The following CNOT1 variants were observed in gnomAD, a reference collection of about 807,000 sequenced individuals.
CNOT1 encodes the protein CCR4-NOT transcription complex subunit 1, also known as CCR4-associated factor 1.
A neutral mutation model predicts 273.8 loss-of-function variants in CNOT1; 15 were observed. That is an observed-to-expected ratio of 0.05 (90% CI 0.04 to 0.08). CNOT1 has a LOEUF of 0.08. CNOT1 is among the 10% of genes least tolerant of loss of function. The probability of loss-of-function intolerance (pLI) is 1.00; values close to 1 mark genes in which losing one functional copy is unlikely to be tolerated. For synonymous variants in CNOT1, 1,022 were observed against 1,005.5 expected (o/e 1.02, Z -0.31); for missense variants, 1,644 against 2,912.2 (o/e 0.56, Z 10.02).
At chr16:58,568,317 G>A (rs1160475302) in intron 16 of CNOT1, among the ~76,000 whole-genome samples, 1 of 151,360 alleles carries the variant, frequency 6.6e-6, no homozygotes, top group East Asian at 1.9e-4. Context: ...GCAGTGAGCC[G>A]AGATTGTGCC....
chr16:58,587,298 G>A (rs759611690), intron 5 of CNOT1, 43 bp from the exon 6 acceptor site: 5 of 1,613,440 alleles, frequency 3.1e-6, no homozygotes, highest in Non-Finnish European at 3.4e-6. Context: ...TCAAATGGCT[G>A]TTTTTAATTC....
intron 1 of CNOT1, among the ~76,000 whole-genome samples, chr16:58,625,810 A>T (rs1009156894): frequency 5.6e-5 from 8 of 142,170 alleles, no homozygotes; most frequent in African/African-American, 7.9e-5. Flanking sequence ...GTGAGCAGGG[A>T]TTGTGCCGCT....
chr16:58,581,754 T>A (rs1305682512), intron 10 of CNOT1, among the ~76,000 whole-genome samples: 2 of 152,086 alleles, frequency 1.3e-5, no homozygotes, highest in Non-Finnish European at 2.9e-5. Flanking sequence ...CTCTGCCTCT[T>A]TGGTTCAAGA....
At chr16:58,523,240 G>T in intron 47 of CNOT1, 130 bp downstream of exon 47, 1 of 958,198 alleles carries the variant, frequency 1.0e-6, no homozygotes, top group Non-Finnish European at 1.5e-6. Context: ...GCAACACTCC[G>T]TCTCAAAAAA....
intron 1 of CNOT1, among the ~76,000 whole-genome samples, chr16:58,613,892 T>A (rs1280571344): frequency 8.4e-6 from 1 of 119,310 alleles, no homozygotes; most frequent in African/African-American, 2.8e-5. Context: ...ATAGGGACCA[T>A]CCTGGCTAAC....
At chr16:58,583,252 A>C (rs2041713554) in intron 8 of CNOT1, 70 bp from the exon 9 acceptor site, 5 of 1,585,164 alleles carry the variant, frequency 3.2e-6, no homozygotes, top group Non-Finnish European at 4.3e-6. Flanking sequence ...TTCTGGCATT[A>C]AATGAACCTT....
intron 7 of CNOT1, 75 bp downstream of exon 7, chr16:58,586,469 AG>A: frequency 1.2e-6 from 1 of 848,536 alleles, no homozygotes; most frequent in Non-Finnish European, 1.7e-6. Flanking sequence ...AGGGGAGGGG[AG>A]GGGGGAATGC....
At chr16:58,521,828 C>T (rs2039387130) in intron 47 of CNOT1, among the ~76,000 whole-genome samples, 1 of 151,982 alleles carries the variant, frequency 6.6e-6, no homozygotes, top group Non-Finnish European at 1.5e-5. Context: ...GGCCACATGC[C>T]TGTAATCCCA....
intron 17 of CNOT1, among the ~76,000 whole-genome samples, chr16:58,559,076 G>A (rs933578599): frequency 2.0e-5 from 3 of 152,144 alleles, no homozygotes. Flanking sequence ...TAACCAGAAT[G>A]TAATTTTATA....
Position 58,537,024 on chromosome 16 carries a change from C to T in CNOT1, c.5611G>A (p.Asp1871Asn). 1 of 1,614,196 alleles carries T rather than the reference C, an allele frequency of 6.2e-7. No homozygotes were observed. The highest frequency in any genetic ancestry group is 8.5e-7 in the Non-Finnish European group (1 of 1,180,036). The change falls in exon 39 of 49, where the codon GAC becomes AAC. Residue 1871 changes from aspartate to asparagine, a missense_variant. Asp to Asn is a conservative substitution (Grantham distance 23). Coordinates refer to ENST00000317147, the MANE Select transcript of CNOT1 (RefSeq NM_016284.5). ...NLYHSAAAGR[D>N]STKAFSAFVG... ...AATGCAGAGAAAGCTTTGGTACTGT[C>T]GCGGCCAGCTGCTGCTGAATGGTAG...
chr16:58,557,123 T>TTA, intron 18 of CNOT1, 130 bp from the exon 19 acceptor site: 3 of 1,246,688 alleles, frequency 2.4e-6, no homozygotes, highest in Non-Finnish European at 3.2e-6. Flanking sequence ...AAAGTCAGAG[T>TTA]CTTTGTTAAT....
intron 1 of CNOT1, among the ~76,000 whole-genome samples, chr16:58,600,116 G>C (rs2042408489): frequency 6.6e-6 from 1 of 152,008 alleles, no homozygotes; most frequent in African/African-American, 2.4e-5. Flanking sequence ...GCCAAGGCGG[G>C]TGTGGATTGT....
chr16:58,577,135 C>T (rs539470059), intron 13 of CNOT1, among the ~76,000 whole-genome samples: 3 of 151,184 alleles, frequency 2.0e-5, no homozygotes, highest in Non-Finnish European at 2.9e-5. Flanking sequence ...TCAGAAACAA[C>T]GATGAATGAT....
rs909848778 is a variant in CNOT1, at chr16:58,520,829, T to G, written c.*129A>C. 1.1e-6 allele frequency: 1 copy of G among 919,884 alleles called. No individual in the cohort carries two copies. The highest frequency in any genetic ancestry group is 1.6e-5 in the African/African-American group (1 of 61,516). 57.0% of individuals were successfully genotyped at this position (919,884 alleles called of 1,614,324 possible). A position where few individuals can be genotyped will look rare whatever the true frequency, so the allele number is the denominator to read the frequency against. ...GACAGGAGGCTGATCCCAACAGTAG[T>G]TGGGGCAGATACCCACAAACCAAAG... On this transcript the variant is annotated 3_prime_UTR_variant, in exon 49 of 49. Transcript: ENST00000317147.
At chr16:58,554,033 G>A (rs1001467526) in intron 21 of CNOT1, among the ~76,000 whole-genome samples, 173 bp from the exon 22 acceptor site, 2 of 152,052 alleles carry the variant, frequency 1.3e-5, no homozygotes, top group Non-Finnish European at 2.9e-5. Context: ...AAATACTTAT[G>A]ATTTTCACAG....
At chr16:58,626,829 ATT>A (rs1332257536) in intron 1 of CNOT1, among the ~76,000 whole-genome samples, 3 of 151,536 alleles carry the variant, frequency 2.0e-5, no homozygotes, top group Non-Finnish European at 4.4e-5. Flanking sequence ...ATTTTGCAAA[ATT>A]TTTTTTTAAT....
chr16:58,602,553 CAAA>C (rs60230860), intron 1 of CNOT1, among the ~76,000 whole-genome samples: 3 of 57,972 alleles, frequency 5.2e-5, no homozygotes, highest in Admixed American at 2.0e-4. Flanking sequence ...ACTCTGTCTC[CAAA>C]AAAAAAAAAA....
chr16:58,566,101 G>T (rs1157091352), intron 16 of CNOT1, among the ~76,000 whole-genome samples: 3 of 152,186 alleles, frequency 2.0e-5, no homozygotes, highest in Non-Finnish European at 2.9e-5. Flanking sequence ...GTTTCAGATG[G>T]TGATCACTTT....
chr16:58,595,643 A>C (rs1337283724), intron 2 of CNOT1, among the ~76,000 whole-genome samples: 1 of 152,130 alleles, frequency 6.6e-6, no homozygotes, highest in Non-Finnish European at 1.5e-5. Context: ...TGCTTAATAA[A>C]AATAACCTGC....
Sources: gnomAD v4.1 joint callset for allele counts (sites outside exome capture counted in the v4.1 genomes callset) on GRCh38, gnomAD v4.1.1 for gene constraint, MANE v1.5 for transcripts, NCBI Gene and HGNC (gene_info 2026-07-23, HGNC 2026-07-21) for gene names.